The following BICRAL variants were observed in gnomAD, a reference collection of about 807,000 sequenced individuals.
The protein encoded by BICRAL is BRD4-interacting chromatin-remodeling complex-associated protein-like.
A neutral mutation model predicts 91.8 loss-of-function variants in BICRAL; 8 were observed. That is an observed-to-expected ratio of 0.09 (90% CI 0.05 to 0.16). The LOEUF is 0.16. Ranked by LOEUF, BICRAL falls within the 10% of genes least tolerant of loss-of-function variation. The pLI is 1.00. For missense variants in BICRAL, 1,038 were observed against 1,310.9 expected, an observed-to-expected ratio of 0.79 and a Z score of 3.21; for synonymous variants, 445 against 491.1, an observed-to-expected ratio of 0.91 and a Z score of 1.24.
chr6:42,753,500 A>G (rs964991441), intron 1 of BICRAL, among the ~76,000 whole-genome samples: 2 of 152,202 alleles, frequency 1.3e-5, no homozygotes, highest in South Asian at 2.1e-4. Flanking sequence ...GAGAGAAGAC[A>G]TAAAGCACGT....
intron 2 of BICRAL, among the ~76,000 whole-genome samples, chr6:42,814,521 T>TATATA (rs1562475045): frequency 2.3e-4 from 8 of 34,876 alleles, no homozygotes; most frequent in East Asian, 9.0e-4. Context: ...ATATATATAT[T>TATATA]TTTTTTTTTT....
At position 42,864,859 on chromosome 6, in the gene BICRAL, A is replaced by G. The variant is rs754867416; in HGVS notation, c.2653A>G (p.Ile885Val). 4 of 1,614,146 alleles carry G rather than the reference A, an allele frequency of 2.5e-6. No individual in the cohort carries two copies. Among genetic ancestry groups the G allele is most frequent in the East Asian group, 2.2e-5 (1 of 44,884 alleles). Residue 885 changes from isoleucine (I) to valine (V), a missense_variant, in exon 13 of 13, where the codon ATC (isoleucine) becomes GTC (valine). Physicochemically the swap from Ile to Val is conservative, Grantham distance 29 (BLOSUM62 3). Transcript: ENST00000314073. ...HDQFHLVPNH[I>V]VVSAEGNISK... ...CCAGTTTCATCTAGTGCCTAATCAC[A>G]TCGTGGTCTCTGCAGAAGGAAACAT...
At chr6:42,818,977 C>T (rs920563463) in intron 2 of BICRAL, among the ~76,000 whole-genome samples, 2 of 152,174 alleles carry the variant, frequency 1.3e-5, no homozygotes, top group African/African-American at 4.8e-5. Flanking sequence ...CCTACAGCCC[C>T]CTTCCCTCCA....
At chr6:42,826,941 C>T (rs1161115217) in intron 5 of BICRAL, among the ~76,000 whole-genome samples, 1 of 152,126 alleles carries the variant, frequency 6.6e-6, no homozygotes, top group Non-Finnish European at 1.5e-5. Context: ...CATGCGCCAC[C>T]ACCCCCAGCT....
chr6:42,773,268 A>G (rs1762762658), intron 1 of BICRAL, among the ~76,000 whole-genome samples: 2 of 151,720 alleles, frequency 1.3e-5, no homozygotes, highest in South Asian at 4.2e-4. Context: ...TGTAGAGACA[A>G]GGTTTCGCCA....
At chr6:42,798,931 G>A in intron 1 of BICRAL, among the ~76,000 whole-genome samples, 1 of 114,088 alleles carries the variant, frequency 8.8e-6, no homozygotes, top group South Asian at 3.1e-4. Flanking sequence ...TTTAAAATTT[G>A]TATTATTTTT....
At chr6:42,852,239 C>T (rs373823165) in intron 7 of BICRAL, 42 bp downstream of exon 7, 26 of 1,125,824 alleles carry the variant, frequency 2.3e-5, no homozygotes, top group East Asian at 2.1e-4. Context: ...CCCAACACCA[C>T]GGGATGCTCT....
intron 2 of BICRAL, among the ~76,000 whole-genome samples, chr6:42,817,967 TAA>T (rs11396430): frequency 2.1e-4 from 22 of 107,220 alleles, no homozygotes; most frequent in Non-Finnish European, 1.9e-4. Flanking sequence ...ACCCTATCTC[TAA>T]AAAAAAAAAA....
intron 12 of BICRAL, among the ~76,000 whole-genome samples, chr6:42,862,829 T>C (rs1765595575): frequency 6.6e-6 from 1 of 152,226 alleles, no homozygotes; most frequent in African/African-American, 2.4e-5. Context: ...ATCATCTTTT[T>C]AGATTTCAAG....
chr6:42,863,750 T>C (rs547850577), intron 12 of BICRAL, among the ~76,000 whole-genome samples: 1 of 152,264 alleles, frequency 6.6e-6, no homozygotes, highest in East Asian at 1.9e-4. Flanking sequence ...ACTTAGAGGC[T>C]GGGTGAGGTG....
At chr6:42,774,639 C>CT (rs1762784807) in intron 1 of BICRAL, among the ~76,000 whole-genome samples, 1 of 130,560 alleles carries the variant, frequency 7.7e-6, no homozygotes, top group African/African-American at 2.8e-5. Flanking sequence ...ATAAGAGTAC[C>CT]TTTGCACAGG....
At chr6:42,807,768 T>C (rs1208689652) in intron 1 of BICRAL, among the ~76,000 whole-genome samples, 1 of 148,974 alleles carries the variant, frequency 6.7e-6, no homozygotes, top group Non-Finnish European at 1.5e-5. Context: ...ATCACACCAC[T>C]GCACTCTAGC....
intron 1 of BICRAL, among the ~76,000 whole-genome samples, chr6:42,799,115 C>T (rs1763495534): frequency 6.6e-6 from 1 of 152,120 alleles, no homozygotes; most frequent in African/African-American, 2.4e-5. Flanking sequence ...CTATATTGCC[C>T]AGGCTGGACT....
Position 42,864,840 on chromosome 6 carries a change from T to G in BICRAL, c.2634T>G (p.Phe878Leu). Residue 878 changes from phenylalanine to leucine, a missense_variant, in exon 13 of 13, where the codon TTT (phenylalanine) becomes TTG (leucine). Phe to Leu is a conservative substitution (Grantham distance 22, BLOSUM62 0). This residue lies in a region of BICRAL where 294 missense variants were observed against 292.6 expected (regional missense o/e 1.00). Coordinates refer to ENST00000314073, the MANE Select transcript of BICRAL (RefSeq NM_001393499.1). ...GVTEPMNHDQ[F>L]HLVPNHIVVS... ...CGGAACCCATGAATCATGACCAGTT[T>G]CATCTAGTGCCTAATCACATCGTGG... The G allele has an allele frequency of 6.2e-7, 1 of 1,614,144 alleles. No homozygotes were observed. The highest frequency in any genetic ancestry group is 8.5e-7 in the Non-Finnish European group (1 of 1,180,022).
chr6:42,863,316 G>T (rs1765615336), intron 12 of BICRAL, among the ~76,000 whole-genome samples: 1 of 152,134 alleles, frequency 6.6e-6, no homozygotes, highest in African/African-American at 2.4e-5. Context: ...CCAAAGTGCT[G>T]GGATTACAGG....
intron 2 of BICRAL, among the ~76,000 whole-genome samples, chr6:42,811,836 A>G (rs777396903): frequency 6.6e-6 from 1 of 152,208 alleles, no homozygotes; most frequent in Non-Finnish European, 1.5e-5. Flanking sequence ...CATCTGCAAG[A>G]GTGCAAAAAC....
intron 6 of BICRAL, among the ~76,000 whole-genome samples, chr6:42,847,893 G>T (rs1192204540): frequency 2.6e-5 from 4 of 152,146 alleles, no homozygotes; most frequent in Admixed American, 6.6e-5. Context: ...ACTTTGGAAG[G>T]CCGAGGCGGG....
chr6:42,822,789 T>C lies in BICRAL; in HGVS notation c.42-7T>C. 1 of 1,522,686 alleles carries C rather than the reference T, an allele frequency of 6.6e-7. No homozygotes were observed. The highest frequency in any genetic ancestry group is 1.1e-5 in the South Asian group (1 of 88,462). The allele number at this position is 1,522,686 out of a possible 1,614,324, so 94.3% of individuals were successfully genotyped here. On this transcript the variant is annotated splice_region_variant and splice_polypyrimidine_tract_variant and intron_variant, in intron 3 of 12. Transcript: ENST00000314073. ...TGTTTTATCTCTTTTTTTCCTCTCT[T>C]TTCTAGAGACCCACAAGCATTGAAC... is the stretch of plus-strand genomic sequence containing the variant.
intron 3 of BICRAL, 77 bp downstream of exon 3, chr6:42,822,140 T>TA: frequency 5.2e-6 from 4 of 773,178 alleles, no homozygotes; most frequent in Non-Finnish European, 9.0e-6. Context: ...TAATAGCATA[T>TA]AACACCTGAT....
Sources: gnomAD v4.1 joint callset for allele counts (sites outside exome capture counted in the v4.1 genomes callset) on GRCh38, gnomAD v4.1.1 for gene constraint, gnomAD v4.1.1 regional missense constraint, MANE v1.5 for transcripts, NCBI Gene and HGNC (gene_info 2026-07-23, HGNC 2026-07-21) for gene names.